The following PLCE1 variants were observed in gnomAD, a reference collection of about 807,000 sequenced individuals.
PLCE1 encodes the protein phospholipase C epsilon 1, also known as 1-phosphatidylinositol 4,5-bisphosphate phosphodiesterase epsilon-1.
PLCE1 carries 119 observed loss-of-function variants against 242.8 expected under a neutral mutation model. That is an observed-to-expected ratio of 0.49 (90% confidence interval 0.42 to 0.57). The LOEUF (loss-of-function observed/expected upper bound fraction) is 0.57, where lower values mean the gene tolerates loss of function less well. Ranked by LOEUF, PLCE1 falls within the 20% of genes least tolerant of loss-of-function variation. The probability of loss-of-function intolerance (pLI) is 0.00; values close to 1 mark genes in which losing one functional copy is unlikely to be tolerated. For missense variants in PLCE1, 2,441 were observed against 2,788.8 expected (o/e 0.88, Z 2.81); for synonymous variants, 945 against 1,017.4 (o/e 0.93, Z 1.35).
rs746089954 is a variant in PLCE1 at position 94,273,729 on chromosome 10, C to T, written c.4665+9C>T. On this transcript the variant is annotated intron_variant, in intron 19 of 32. Coordinates refer to ENST00000371380, the MANE Select transcript of PLCE1 (RefSeq NM_016341.4). ...ATATCTTAAAGCAAAAGGTACTCCC[C>T]TCTGTTAAACCAGTTATGAAAAGGC... 1.6e-5 allele frequency: 25 copies of T among 1,612,432 alleles called. No homozygotes were observed. The Admixed American group carries it at 3.2e-4, about 20-fold the overall frequency.
intron 4 of PLCE1, among the ~76,000 whole-genome samples, chr10:94,207,375 C>T (rs975188212): frequency 6.6e-6 from 1 of 152,042 alleles, no homozygotes; most frequent in Non-Finnish European, 1.5e-5. Flanking sequence ...AGGTTTCTCA[C>T]GGTTGGAAAT....
At chr10:94,153,210 G>A (rs933979454) in intron 3 of PLCE1, among the ~76,000 whole-genome samples, 6 of 152,036 alleles carry the variant, frequency 3.9e-5, no homozygotes, top group Admixed American at 2.0e-4. Flanking sequence ...GCTCTTCTCA[G>A]TTAGACCATA....
At chr10:94,164,347 A>C (rs996653035) in intron 3 of PLCE1, among the ~76,000 whole-genome samples, 4 of 151,942 alleles carry the variant, frequency 2.6e-5, no homozygotes, top group African/African-American at 9.7e-5. Flanking sequence ...GGCTTTGTTC[A>C]TTTCTTTTTA....
intron 3 of PLCE1, among the ~76,000 whole-genome samples, chr10:94,163,485 CT>C (rs960974761): frequency 1.4e-5 from 2 of 147,536 alleles, no homozygotes; most frequent in African/African-American, 2.7e-5. Flanking sequence ...CAACCCCTGC[CT>C]TTTTTTGTTT....
At position 94,330,311 on chromosome 10, in the gene PLCE1, C is replaced by T. The variant is rs2054144851; in HGVS notation, c.*2368C>T. ...GTTGCATCCCAATTTAGTTGTTTAT[C>T]ACATTTTGAGGTGAAAGTACATACT... is the stretch of plus-strand genomic sequence containing the variant. On this transcript the variant is annotated 3_prime_UTR_variant, in exon 33 of 33. Coordinates refer to ENST00000371380, the MANE Select transcript of PLCE1 (RefSeq NM_016341.4). 6.6e-6 allele frequency: 1 copy of T among 152,172 alleles called. No homozygotes were observed. The highest frequency in any genetic ancestry group is 1.5e-5 in the Non-Finnish European group (1 of 68,036). The allele number at this position is 152,172 out of a possible 1,614,324, so 9.4% of individuals were successfully genotyped here. A position where few individuals can be genotyped will look rare whatever the true frequency, so the allele number is the denominator to read the frequency against.
At chr10:94,317,266 C>G (rs1471921474) in intron 29 of PLCE1, among the ~76,000 whole-genome samples, 2 of 151,972 alleles carry the variant, frequency 1.3e-5, no homozygotes, top group African/African-American at 2.4e-5. Flanking sequence ...AAAAAAAAGA[C>G]AAGGAAATAT....
chr10:94,076,735 C>A (rs1174238633), intron 2 of PLCE1, among the ~76,000 whole-genome samples: 1 of 150,680 alleles, frequency 6.6e-6, no homozygotes, highest in African/African-American at 2.5e-5. Context: ...TCCTAGAAGG[C>A]CAGGGTGCTG....
At chr10:94,281,869 C>T (rs1478288228) in intron 20 of PLCE1, among the ~76,000 whole-genome samples, 1 of 151,768 alleles carries the variant, frequency 6.6e-6, no homozygotes, top group Non-Finnish European at 1.5e-5. Context: ...CTATTAGATG[C>T]CTTACTAACC....
rs939864506 is a variant in PLCE1 at position 94,090,859 on chromosome 10, G to A, written c.1207-41315G>A. 1.6e-4 allele frequency among the ~76,000 whole-genome samples: 25 copies of A among 152,150 alleles called. No individual in the cohort carries two copies. The East Asian group carries it at 4.2e-3, about 26-fold the overall frequency. ...TTTTCTTTTAGTGGGATGGCTAATA[G>A]TAAGGTTGGCTTGAGCCTCAATTTG... is the stretch of plus-strand genomic sequence containing the variant. On this transcript the variant is annotated intron_variant, in intron 2 of 32. Coordinates refer to ENST00000371380, the MANE Select transcript of PLCE1 (RefSeq NM_016341.4).
chr10:94,159,792 C>T (rs1014852932), intron 3 of PLCE1, among the ~76,000 whole-genome samples: 3 of 152,052 alleles, frequency 2.0e-5, no homozygotes, highest in Non-Finnish European at 4.4e-5. Flanking sequence ...CAACAGGCCC[C>T]GATGTGTGAT....
At chr10:94,087,642 C>T (rs998459759) in intron 2 of PLCE1, among the ~76,000 whole-genome samples, 3 of 151,938 alleles carry the variant, frequency 2.0e-5, no homozygotes, top group Non-Finnish European at 4.4e-5. Flanking sequence ...GGGGTCTTAC[C>T]ATGTTGCCCA....
chr10:94,281,614 G>A (rs1288555463), intron 20 of PLCE1, among the ~76,000 whole-genome samples: 2 of 152,162 alleles, frequency 1.3e-5, no homozygotes, highest in African/African-American at 4.8e-5. Flanking sequence ...CTGGGGCAAT[G>A]TCTTCACCAC....
At chr10:94,321,739 T>A (rs561704355) in intron 29 of PLCE1, among the ~76,000 whole-genome samples, 162 bp from the exon 30 acceptor site, 3 of 152,210 alleles carry the variant, frequency 2.0e-5, no homozygotes, top group Admixed American at 6.5e-5. Flanking sequence ...GAGATAGGTA[T>A]ATCCTTTTAG....
chr10:94,155,161 A>G (rs777207843), intron 3 of PLCE1, among the ~76,000 whole-genome samples: 8 of 152,094 alleles, frequency 5.3e-5, no homozygotes, highest in Non-Finnish European at 1.0e-4. Context: ...GAAAACATAC[A>G]TTCACACAAA....
Position 94,031,639 on chromosome 10 carries a change from C to T in PLCE1, c.593C>T (p.Ser198Leu), listed in dbSNP as rs755737422. The change falls in exon 2 of 33, where the codon TCA becomes TTA. Residue 198 changes from serine (S) to leucine (L), a missense_variant. Physicochemically the swap from Ser to Leu is moderately radical, Grantham distance 145. Coordinates refer to ENST00000371380, the MANE Select transcript of PLCE1 (RefSeq NM_016341.4). Reference sequence around the variant, plus strand: ...CATTATGAAGTTGACAGAAGAATGTCAGACACTTTCTGTACCCTATCAGAA... The same window carrying T: ...CATTATGAAGTTGACAGAAGAATGTTAGACACTTTCTGTACCCTATCAGAA... ...HFHYEVDRRM[S>L]DTFCTLSENL... 6 of 1,613,712 alleles carry T rather than the reference C, an allele frequency of 3.7e-6. No homozygotes were observed. In the East Asian group the frequency reaches 1.3e-4, roughly 36 times the overall value.
chr10:94,184,232 G>A (rs1042330610), intron 4 of PLCE1, among the ~76,000 whole-genome samples: 4 of 152,210 alleles, frequency 2.6e-5, no homozygotes, highest in African/African-American at 9.6e-5. Context: ...CCCCTGCTAA[G>A]TGTCCCTTCA....
At chr10:94,084,173 CAAGCCTCCTA>C (rs1206248071) in intron 2 of PLCE1, among the ~76,000 whole-genome samples, 1 of 152,170 alleles carries the variant, frequency 6.6e-6, no homozygotes. Flanking sequence ...TCTGTGCAGC[CAAGCCTCCTA>C]AAGCCACCTG....
chr10:94,132,535 C>A, intron 3 of PLCE1, 76 bp downstream of exon 3: 1 of 1,389,550 alleles, frequency 7.2e-7, no homozygotes, highest in Non-Finnish European at 1.0e-6. Context: ...TTATGTATCT[C>A]CTGATGGAAA....
At chr10:94,005,328 G>C (rs1305878536) in intron 1 of PLCE1, among the ~76,000 whole-genome samples, 3 of 152,156 alleles carry the variant, frequency 2.0e-5, no homozygotes, top group African/African-American at 7.2e-5. Context: ...GGTTAATCTA[G>C]AGTAACTAGT....
Sources: gnomAD v4.1 joint callset for allele counts (sites outside exome capture counted in the v4.1 genomes callset) on GRCh38, gnomAD v4.1.1 for gene constraint, MANE v1.5 for transcripts, NCBI Gene and HGNC (gene_info 2026-07-23, HGNC 2026-07-21) for gene names.